The following MEI4 variants were observed in gnomAD, a reference collection of about 807,000 sequenced individuals.
The protein encoded by MEI4 is meiotic double-stranded break formation protein 4, also known as meiosis-specific protein MEI4.
In MEI4, 27 loss-of-function variants were observed where a neutral mutation model predicts 31.4. The ratio of observed to expected loss-of-function variants is 0.86; its 90% confidence interval spans 0.63 to 1.19. The LOEUF (loss-of-function observed/expected upper bound fraction) is 1.19. MEI4 is among the 50% of genes most tolerant of loss of function. MEI4 has a pLI of 0.00. For missense variants in MEI4, 329 were observed against 398.9 expected, an observed-to-expected ratio of 0.82 and a Z score of 1.49; for synonymous variants, 122 against 145.4, an observed-to-expected ratio of 0.84 and a Z score of 1.16.
At chr6:77,705,947 GT>G (rs1766321598) in intron 2 of MEI4, among the ~76,000 whole-genome samples, 4 of 152,172 alleles carry the variant, frequency 2.6e-5, no homozygotes, top group Admixed American at 2.6e-4. Context: ...TTGTTTCACA[GT>G]TTTGTGGACT....
In MEI4 at chr6:77,914,041, A is replaced by AG. The variant is rs72118453; in HGVS notation, c.901-9048_901-9047insG. ...AGAGTGAAACTGTTTCAAGAAAAAA[A>AG]AAAAAAACTTTCGTTGATGTTTTAT... On this transcript the variant is annotated intron_variant, in intron 4 of 4. Coordinates refer to ENST00000684080, the MANE Select transcript of MEI4 (RefSeq NM_001322247.2). 7.9e-5 allele frequency among the ~76,000 whole-genome samples: 12 copies of AG among 151,172 alleles called. No homozygotes were observed. The East Asian group carries it at 2.4e-3, about 30-fold the overall frequency.
At chr6:77,662,247 C>A (rs1429762792) in intron 1 of MEI4, among the ~76,000 whole-genome samples, 1 of 152,120 alleles carries the variant, frequency 6.6e-6, no homozygotes, top group Non-Finnish European at 1.5e-5. Context: ...GAAGATACTA[C>A]AGCATAGCCT....
intron 1 of MEI4, among the ~76,000 whole-genome samples, chr6:77,668,415 A>G (rs189907915): frequency 6.6e-6 from 1 of 152,322 alleles, no homozygotes; most frequent in African/African-American, 2.4e-5. Context: ...GAGGCTGGGT[A>G]GGATTCCTGA....
chr6:77,757,428 C>A (rs1767943046), intron 2 of MEI4, among the ~76,000 whole-genome samples: 1 of 152,132 alleles, frequency 6.6e-6, no homozygotes, highest in South Asian at 2.1e-4. Context: ...AGAAATAAAG[C>A]AGCCTGTAAG....
chr6:77,671,911 G>C (rs1307510107), intron 1 of MEI4, among the ~76,000 whole-genome samples: 1 of 152,294 alleles, frequency 6.6e-6, no homozygotes, highest in Non-Finnish European at 1.5e-5. Context: ...CCTAGATAGA[G>C]TTCTCAGGAA....
chr6:77,758,217 C>T (rs865930841), intron 2 of MEI4, among the ~76,000 whole-genome samples: 13 of 151,174 alleles, frequency 8.6e-5, no homozygotes, highest in Middle Eastern at 3.5e-3. Context: ...GTTTGCTGAT[C>T]GATCATTTTT....
intron 2 of MEI4, among the ~76,000 whole-genome samples, chr6:77,747,303 C>T (rs1582096599): frequency 6.6e-6 from 1 of 151,968 alleles, no homozygotes; most frequent in African/African-American, 2.4e-5. Context: ...CAGAGCAAGA[C>T]TCAAGACTCC....
chr6:77,735,872 G>A (rs1767186167), intron 2 of MEI4, among the ~76,000 whole-genome samples: 1 of 152,066 alleles, frequency 6.6e-6, no homozygotes, highest in Admixed American at 6.5e-5. Flanking sequence ...CTCAGCTGCA[G>A]GTCTGTTGGA....
In MEI4 at chr6:77,758,155, CAA is replaced by C. The variant is rs58249702; in HGVS notation, c.233-2958_233-2957del. 2.9e-3 allele frequency among the ~76,000 whole-genome samples: 340 copies of C among 115,776 alleles called. 1 individual carries two copies. The highest frequency in any genetic ancestry group is 0.014 in the Middle Eastern group (3 of 210). 76.0% of individuals were successfully genotyped at this position (115,776 alleles called of 152,430 possible). On this transcript the variant is annotated intron_variant, in intron 2 of 4. Transcript: ENST00000684080. ...GGTGACAGAGCAAGACTCCATCTCACAAAAAAAAAAAAAAAAAAGAAAGAAAG... is the reference window on the plus strand; with the variant it reads ...GGTGACAGAGCAAGACTCCATCTCACAAAAAAAAAAAAAAAAGAAAGAAAG...
intron 3 of MEI4, among the ~76,000 whole-genome samples, chr6:77,807,696 G>A (rs920669732): frequency 1.3e-5 from 2 of 152,104 alleles, no homozygotes; most frequent in Admixed American, 1.3e-4. Flanking sequence ...ATAGAGTAGT[G>A]TAATGGCTCT....
chr6:77,694,981 T>A (rs886131437), intron 2 of MEI4, among the ~76,000 whole-genome samples: 1 of 151,840 alleles, frequency 6.6e-6, no homozygotes, highest in African/African-American at 2.4e-5. Context: ...GGTATCTCAT[T>A]GTGGTTTTGA....
At chr6:77,752,042 A>C (rs1362832239) in intron 2 of MEI4, among the ~76,000 whole-genome samples, 1 of 152,220 alleles carries the variant, frequency 6.6e-6, no homozygotes, top group Non-Finnish European at 1.5e-5. Context: ...CAGTAGACCC[A>C]GAAAAGGCCT....
chr6:77,783,519 G>A (rs972226452), intron 3 of MEI4, among the ~76,000 whole-genome samples: 17 of 152,090 alleles, frequency 1.1e-4, no homozygotes, highest in Non-Finnish European at 2.2e-4. Flanking sequence ...GGCTTTGTAA[G>A]TACTTGAAAC....
At chr6:77,767,020 T>G (rs781014623) in intron 3 of MEI4, among the ~76,000 whole-genome samples, 3 of 152,100 alleles carry the variant, frequency 2.0e-5, no homozygotes, top group Non-Finnish European at 2.9e-5. Context: ...TTGAGAATAT[T>G]CCTTGGGAAA....
intron 2 of MEI4, among the ~76,000 whole-genome samples, chr6:77,732,526 G>T (rs1767033313): frequency 6.7e-6 from 1 of 149,078 alleles, no homozygotes. Flanking sequence ...AGGAGATTTT[G>T]GGCTGAGACA....
chr6:77,734,680 A>C (rs991300677), intron 2 of MEI4, among the ~76,000 whole-genome samples: 7 of 151,518 alleles, frequency 4.6e-5, no homozygotes, highest in Middle Eastern at 3.4e-3. Context: ...TCCTGTCATT[A>C]TGTTAGCTGG....
At chr6:77,831,535 A>ATATAT (rs1770081274) in intron 4 of MEI4, among the ~76,000 whole-genome samples, 1 of 151,036 alleles carries the variant, frequency 6.6e-6, no homozygotes, top group Non-Finnish European at 1.5e-5. Flanking sequence ...ACCAAATAAT[A>ATATAT]ATATTCCTCT....
At chr6:77,766,948 A>G (rs1006767239) in intron 3 of MEI4, among the ~76,000 whole-genome samples, 4 of 152,136 alleles carry the variant, frequency 2.6e-5, no homozygotes, top group Admixed American at 6.6e-5. Flanking sequence ...CAACAACCTT[A>G]TCCTCTGTGT....
chr6:77,696,697 G>C (rs1766055203), intron 2 of MEI4, among the ~76,000 whole-genome samples: 1 of 151,616 alleles, frequency 6.6e-6, no homozygotes, highest in African/African-American at 2.4e-5. Context: ...TTGCATCAAT[G>C]TTCATCAAGG....
Sources: gnomAD v4.1 joint callset for allele counts (sites outside exome capture counted in the v4.1 genomes callset) on GRCh38, gnomAD v4.1.1 for gene constraint, MANE v1.5 for transcripts, NCBI Gene and HGNC (gene_info 2026-07-23, HGNC 2026-07-21) for gene names.